Variants in FMN2 observed in about 807,000 individuals in gnomAD.
The protein encoded by FMN2 is formin 2, also known as formin-2.
In FMN2, 51 loss-of-function variants were observed where a neutral mutation model predicts 142.3. The ratio of observed to expected loss-of-function variants is 0.36; its 90% CI spans 0.29 to 0.45. The LOEUF is 0.45. Among genes scored for constraint, FMN2 ranks in the 20% least tolerant of loss-of-function variants. FMN2 has a pLI of 1.00. For synonymous variants in FMN2, 882 were observed against 869.8 expected, an observed-to-expected ratio of 1.01 and a Z score of -0.25; for missense variants, 1,936 against 2,122.8, an observed-to-expected ratio of 0.91 and a Z score of 1.73.
intron 1 of FMN2, among the ~76,000 whole-genome samples, chr1:240,099,240 C>T (rs1251669804): frequency 6.6e-6 from 1 of 151,878 alleles, no homozygotes; most frequent in African/African-American, 2.4e-5. Context: ...TTAAAACAAC[C>T]CTGAAATTGT....
intron 1 of FMN2, among the ~76,000 whole-genome samples, chr1:240,118,081 G>T (rs1202325466): frequency 1.3e-5 from 2 of 152,188 alleles, no homozygotes; most frequent in Non-Finnish European, 2.9e-5. Context: ...TTCATGGTGA[G>T]AGTGAGCTCA....
intron 13 of FMN2, among the ~76,000 whole-genome samples, chr1:240,351,921 A>G (rs1476299048): frequency 4.6e-5 from 7 of 151,126 alleles, no homozygotes; most frequent in African/African-American, 1.5e-4. Context: ...TGTGTATGAT[A>G]TCATGGATGT....
At chr1:240,107,234 T>C (rs1661648266) in intron 1 of FMN2, among the ~76,000 whole-genome samples, 1 of 152,074 alleles carries the variant, frequency 6.6e-6, no homozygotes, top group Non-Finnish European at 1.5e-5. Flanking sequence ...GATGTTAAAA[T>C]AGAGACTGAG....
chr1:240,255,970 C>A lies in FMN2; in HGVS notation c.4066-1975C>A, dbSNP rs141056255. 2.0e-5 allele frequency among the ~76,000 whole-genome samples: 3 copies of A among 152,164 alleles called. No homozygotes were observed. The East Asian group carries it at 5.8e-4, about 29-fold the overall frequency. On this transcript the variant is annotated intron_variant, in intron 6 of 17. Transcript: ENST00000319653. ...AGGTGAAATCAGAATAATTCATCTT[C>A]AAAAGAACTGAGAAGAAATGTTAGG...
At chr1:240,237,621 G>A (rs1667754116) in intron 6 of FMN2, among the ~76,000 whole-genome samples, 2 of 152,144 alleles carry the variant, frequency 1.3e-5, no homozygotes, top group African/African-American at 4.8e-5. Context: ...TGTGGTGACA[G>A]AAGGGAATTT....
At position 240,162,267 on chromosome 1, in the gene FMN2, C is replaced by G. The variant is rs545375329; in HGVS notation, c.1783-15654C>G. ...GATCACAGGGTCAGGAGTTCGAGAC[C>G]AGCCTGACCAATATGGTGAAACCCC... On this transcript the variant is annotated intron_variant, in intron 2 of 17. Coordinates refer to ENST00000319653, the MANE Select transcript of FMN2 (RefSeq NM_020066.5). 1.6e-4 allele frequency among the ~76,000 whole-genome samples: 25 copies of G among 152,168 alleles called. 2 individuals are homozygous for G. In the South Asian group the frequency reaches 4.1e-3, roughly 25 times the overall value.
chr1:240,465,495 T>C (rs7521428), intron 16 of FMN2, among the ~76,000 whole-genome samples: 50,878 of 151,876 alleles, frequency 0.33, 9,624 homozygotes, highest in African/African-American at 0.52. Context: ...GAACTGGTAG[T>C]AACGATCATT....
At chr1:240,184,342 T>A (rs1230990268) in intron 3 of FMN2, among the ~76,000 whole-genome samples, 1 of 141,408 alleles carries the variant, frequency 7.1e-6, no homozygotes, top group Non-Finnish European at 1.5e-5. Context: ...GTTCAAGCGA[T>A]TCTCCTGCGT....
intron 4 of FMN2, among the ~76,000 whole-genome samples, chr1:240,204,982 C>T (rs1399174203): frequency 6.6e-6 from 1 of 152,158 alleles, no homozygotes; most frequent in Non-Finnish European, 1.5e-5. Flanking sequence ...CAGAGTTTAA[C>T]CTTAGCAAGC....
intron 2 of FMN2, among the ~76,000 whole-genome samples, chr1:240,126,244 G>A (rs1662498370): frequency 6.6e-6 from 1 of 152,090 alleles, no homozygotes; most frequent in African/African-American, 2.4e-5. Context: ...TAGTATCTCT[G>A]CTGATTTCCA....
intron 2 of FMN2, among the ~76,000 whole-genome samples, chr1:240,175,522 G>A (rs968838622): frequency 2.0e-5 from 3 of 152,110 alleles, no homozygotes; most frequent in Admixed American, 6.5e-5. Context: ...TTTGGATAGG[G>A]CCTTGCTCTT....
rs1558127740 is a variant in FMN2 at position 240,474,985 on chromosome 1, G to A, written c.*831G>A. The A allele has an allele frequency of 6.6e-6, 1 of 152,142 alleles. No individual in the cohort carries two copies. Among genetic ancestry groups the A allele is most frequent in the South Asian group, 2.1e-4 (1 of 4,802 alleles). The allele number at this position is 152,142 out of a possible 1,614,324, so 9.4% of individuals were successfully genotyped here. On this transcript the variant is annotated 3_prime_UTR_variant, in exon 18 of 18. Coordinates refer to ENST00000319653, the MANE Select transcript of FMN2 (RefSeq NM_020066.5). ...GTTTAAGTGCAAAGAAACAGTAGTG[G>A]TTTTTTTTCTATTGTTTTGTAGTCT...
intron 15 of FMN2, among the ~76,000 whole-genome samples, chr1:240,434,287 T>C (rs1675278433): frequency 6.6e-6 from 1 of 152,192 alleles, no homozygotes. Context: ...TTGTAGTGAA[T>C]CCTGTATTGG....
intron 6 of FMN2, among the ~76,000 whole-genome samples, chr1:240,222,090 C>T (rs1572084720): frequency 6.6e-6 from 1 of 150,498 alleles, no homozygotes; most frequent in Non-Finnish European, 1.5e-5. Flanking sequence ...AACTCCTGGC[C>T]TCAAGTCACC....
At chr1:240,294,039 G>T (rs978807410) in intron 7 of FMN2, among the ~76,000 whole-genome samples, 3 of 152,054 alleles carry the variant, frequency 2.0e-5, no homozygotes, top group Admixed American at 2.0e-4. Context: ...AGCTTCACTG[G>T]CTACTTGGCA....
intron 15 of FMN2, among the ~76,000 whole-genome samples, chr1:240,396,660 G>A (rs1007530681): frequency 3.3e-5 from 5 of 152,234 alleles, no homozygotes; most frequent in African/African-American, 1.2e-4. Context: ...TTATGTCTAT[G>A]TGTGGTCAGT....
chr1:240,154,129 A>AAAAAAAAAAAAAAAAAG (rs3047192), intron 2 of FMN2, among the ~76,000 whole-genome samples: 2 of 102,208 alleles, frequency 2.0e-5, no homozygotes, highest in Non-Finnish European at 3.9e-5. Flanking sequence ...AAAAAAAAAA[A>AAAAAAAAAAAAAAAAAG]AAGTGTTACT....
At chr1:240,399,573 A>G (rs1673903651) in intron 15 of FMN2, among the ~76,000 whole-genome samples, 1 of 152,196 alleles carries the variant, frequency 6.6e-6, no homozygotes, top group South Asian at 2.1e-4. Context: ...CCAAGCTCCT[A>G]CGCTGAGGTT....
chr1:240,234,684 A>AGG (rs1420823993), intron 6 of FMN2, among the ~76,000 whole-genome samples: 37 of 152,142 alleles, frequency 2.4e-4, no homozygotes, highest in Non-Finnish European at 7.4e-5. Flanking sequence ...CTCCCCACAG[A>AGG]TTAGCTATAA....
Sources: allele counts gnomAD v4.1 joint callset (sites outside exome capture counted in the v4.1 genomes callset), GRCh38; gene constraint gnomAD v4.1.1; transcripts MANE v1.5; gene names NCBI Gene and HGNC (gene_info 2026-07-23, HGNC 2026-07-21).